The following ZNF587B variants were observed in gnomAD, a reference collection of about 807,000 sequenced individuals.
ZNF587B encodes zinc finger protein 587B.
Under a neutral mutation model 7.2 loss-of-function variants are expected in ZNF587B, and 6 were observed. The ratio of observed to expected loss-of-function variants is 0.83; its 90% CI spans 0.46 to 1.65. The LOEUF is 1.65. ZNF587B is among the 40% of genes most tolerant of loss of function. The pLI, the probability that ZNF587B is intolerant of heterozygous loss-of-function variation, is 0.01. For missense variants in ZNF587B, 749 were observed against 761.0 expected (o/e 0.98, Z 0.19); for synonymous variants, 274 against 254.3 (o/e 1.08, Z -0.74).
chr19:57,836,919 C>T (rs1010274750), intron 1 of ZNF587B, among the ~76,000 whole-genome samples: 1 of 146,678 alleles, frequency 6.8e-6, no homozygotes, highest in Non-Finnish European at 1.5e-5. Context: ...GCTGAGATTG[C>T]ACCACCCCGC....
rs1988997336 is a variant in ZNF587B, at chr19:57,844,384, G to A, written c.*1808G>A. 2 of 281,840 alleles carry A rather than the reference G, an allele frequency of 7.1e-6. No homozygotes were observed. The highest frequency in any genetic ancestry group is 5.3e-5 in the South Asian group (2 of 38,070). 17.5% of individuals were successfully genotyped at this position (281,840 alleles called of 1,614,324 possible). ...CGGGCATGGTGGCGCACCTGTAGCC[G>A]CAGCTACTCAGGAGGCTGAGGCAGG... is the stretch of plus-strand genomic sequence containing the variant. On this transcript the variant is annotated 3_prime_UTR_variant, in exon 3 of 3. Coordinates refer to ENST00000594901, the MANE Select transcript of ZNF587B (RefSeq NM_001376223.1).
intron 1 of ZNF587B, among the ~76,000 whole-genome samples, 166 bp downstream of exon 1, chr19:57,830,730 C>T (rs940428305): frequency 2.0e-5 from 2 of 102,322 alleles, no homozygotes; most frequent in South Asian, 5.1e-4. Flanking sequence ...AAGGCCTAAT[C>T]TTTTATAGTC....
chr19:57,843,613 T>C lies in ZNF587B; in HGVS notation c.*1037T>C. ...TTGTTTTTTTTTGTTTTTTTTTTTT[T>C]TTTTTTTGGAGACAAAGTTTCACTG... On this transcript the variant is annotated 3_prime_UTR_variant, in exon 3 of 3. Coordinates refer to ENST00000594901, the MANE Select transcript of ZNF587B (RefSeq NM_001376223.1). The C allele has an allele frequency of 1.1e-6, 1 of 915,768 alleles. No individual in the cohort carries two copies. Among genetic ancestry groups the C allele is most frequent in the Non-Finnish European group, 1.3e-6 (1 of 773,312 alleles). 56.7% of individuals were successfully genotyped at this position (915,768 alleles called of 1,614,324 possible).
rs999214219 is a variant in ZNF587B at position 57,843,608 on chromosome 19, T to C, written c.*1032T>C. 1.1e-6 allele frequency: 1 copy of C among 916,892 alleles called. No homozygotes were observed. The highest frequency in any genetic ancestry group is 5.1e-5 in the South Asian group (1 of 19,756). The allele number at this position is 916,892 out of a possible 1,614,324, so 56.8% of individuals were successfully genotyped here. ...GTTGGTTGTTTTTTTTTGTTTTTTT[T>C]TTTTTTTTTTTTGGAGACAAAGTTT... On this transcript the variant is annotated 3_prime_UTR_variant, in exon 3 of 3. Transcript: ENST00000594901.
chr19:57,840,736 G>T (rs2375156), intron 2 of ZNF587B, 102 bp from the exon 3 acceptor site: 13 of 1,606,670 alleles, frequency 8.1e-6, no homozygotes, highest in East Asian at 4.5e-5. Flanking sequence ...CCTCCAAGTA[G>T]TTCCTTGGAG....
chr19:57,830,585 G>T, intron 1 of ZNF587B, 21 bp downstream of exon 1: 1 of 1,549,852 alleles, frequency 6.5e-7, no homozygotes, highest in Non-Finnish European at 8.7e-7. Context: ...TGCCTTCCAT[G>T]CCCTCAGGTC....
Position 57,845,167 on chromosome 19 carries a change from G to A in ZNF587B, c.*2591G>A, listed in dbSNP as rs1989019960. The A allele has an allele frequency of 6.6e-6, 1 of 152,092 alleles. No individual in the cohort carries two copies. Among genetic ancestry groups the A allele is most frequent in the Admixed American group, 6.5e-5 (1 of 15,278 alleles). The allele number at this position is 152,092 out of a possible 1,614,324, so 9.4% of individuals were successfully genotyped here. ...TGTTTTGTGGTTTTAGTAGAGACGG[G>A]TTTCACCGTGTTGCACAGACTGGTC... On this transcript the variant is annotated 3_prime_UTR_variant, in exon 3 of 3. Transcript: ENST00000594901.
rs747338764 is a variant in ZNF587B at position 57,840,944 on chromosome 19, G to A, written c.270G>A (p.Lys90=). 1.9e-6 allele frequency: 3 copies of A among 1,584,350 alleles called. No individual in the cohort carries two copies. Among genetic ancestry groups the A allele is most frequent in the African/African-American group, 2.7e-5 (2 of 73,376 alleles). The change falls in exon 3 of 3, where the codon AAG becomes AAA. Residue 90 remains lysine, a synonymous_variant. Transcript: ENST00000594901. ...CTGTGACAGGTGTGTCTCCCAAGAAGGCCCACCCCTGTGAGATGTGTGGCC... is the reference window on the plus strand; with the variant it reads ...CTGTGACAGGTGTGTCTCCCAAGAAAGCCCACCCCTGTGAGATGTGTGGCC... ...RTPVTGVSPK[K]AHPCEMCGPI...
Position 57,844,250 on chromosome 19 carries a change from C to G in ZNF587B, c.*1674C>G. The G allele has an allele frequency of 2.3e-6, 1 of 433,436 alleles. No individual in the cohort carries two copies. Among genetic ancestry groups the G allele is most frequent in the Non-Finnish European group, 4.6e-6 (1 of 218,020 alleles). 26.8% of individuals were successfully genotyped at this position (433,436 alleles called of 1,614,324 possible). A position where few individuals can be genotyped will look rare whatever the true frequency, so the allele number is the denominator to read the frequency against. ...GCATGGTGGCTCATGCCTGTAATCC[C>G]AACACTTTGGGAGGCCGAGGTGGGT... On this transcript the variant is annotated 3_prime_UTR_variant, in exon 3 of 3. Transcript: ENST00000594901.
Position 57,842,074 on chromosome 19 carries a change from T to A in ZNF587B, c.1400T>A (p.Met467Lys). Residue 467 changes from methionine to lysine, a missense_variant, in exon 3 of 3, where the codon ATG becomes AAG. By Grantham distance (95) the Met-to-Lys change is moderately conservative (BLOSUM62 -1). Around this residue, in one of 3 missense-constraint regions of ZNF587B, gnomAD observed 656 missense variants for 596.5 expected, o/e 1.10. Coordinates refer to ENST00000594901, the MANE Select transcript of ZNF587B (RefSeq NM_001376223.1). ...QHGHTRKRPYMCWECGKLFKK... is the reference protein window; with the variant it reads ...QHGHTRKRPYKCWECGKLFKK... ...GGCCATACTAGAAAAAGGCCTTATA[T>A]GTGTTGGGAATGTGGAAAATTATTT... The A allele has an allele frequency of 6.3e-7, 1 of 1,591,748 alleles. No individual in the cohort carries two copies. Among genetic ancestry groups the A allele is most frequent in the Non-Finnish European group, 8.6e-7 (1 of 1,168,456 alleles).
intron 2 of ZNF587B, among the ~76,000 whole-genome samples, chr19:57,840,322 G>C (rs908816614): frequency 6.6e-6 from 1 of 151,716 alleles, no homozygotes; most frequent in African/African-American, 2.4e-5. Flanking sequence ...ACATGAACTC[G>C]TACCCTAATA....
At position 57,841,711 on chromosome 19, in the gene ZNF587B, G is replaced by A. The variant is rs755850744; in HGVS notation, c.1037G>A (p.Arg346His). The change falls in exon 3 of 3, where the codon CGC (arginine) becomes CAC (histidine). Residue 346 changes from arginine (R) to histidine (H), a missense_variant. Arg to His is a conservative substitution (Grantham distance 29). Coordinates refer to ENST00000594901, the MANE Select transcript of ZNF587B (RefSeq NM_001376223.1). ...AACGTGAACCTTAAGAGTCATCAGCGCATTCACACTGGAGAGAGACCTTAC... is the reference window on the plus strand; with the variant it reads ...AACGTGAACCTTAAGAGTCATCAGCACATTCACACTGGAGAGAGACCTTAC... Reference protein sequence around the residue: ...SSNVNLKSHQRIHTGERPYKC... With the variant: ...SSNVNLKSHQHIHTGERPYKC... 6.8e-6 allele frequency: 11 copies of A among 1,606,792 alleles called. No homozygotes were observed. Among genetic ancestry groups the A allele is most frequent in the African/African-American group, 1.3e-5 (1 of 74,700 alleles).
chr19:57,844,133 ATTTC>A lies in ZNF587B; in HGVS notation c.*1563_*1566del, dbSNP rs1988984006. ...TAGCCTCAGCACTTCTTGCTTTTTC[ATTTC>A]TTTCTGATAAGTTACACCATGGACC... is the stretch of plus-strand genomic sequence containing the variant. On this transcript the variant is annotated 3_prime_UTR_variant, in exon 3 of 3. Coordinates refer to ENST00000594901, the MANE Select transcript of ZNF587B (RefSeq NM_001376223.1). The A allele has an allele frequency of 3.5e-6, 1 of 289,380 alleles. No individual in the cohort carries two copies. Among genetic ancestry groups the A allele is most frequent in the South Asian group, 2.6e-5 (1 of 39,160 alleles). The allele number at this position is 289,380 out of a possible 1,614,324, so 17.9% of individuals were successfully genotyped here.
At position 57,843,600 on chromosome 19, in the gene ZNF587B, G is replaced by GTTTTTTTTTTTTTTT. The variant is rs771371494; in HGVS notation, c.*1030_*1044dup. 217 of 647,912 alleles carry GTTTTTTTTTTTTTTT rather than the reference G, an allele frequency of 3.3e-4. No homozygotes were observed. Among genetic ancestry groups the GTTTTTTTTTTTTTTT allele is most frequent in the East Asian group, 1.6e-3 (8 of 5,072 alleles). 40.1% of individuals were successfully genotyped at this position (647,912 alleles called of 1,614,324 possible). A position where few individuals can be genotyped will look rare whatever the true frequency, so the allele number is the denominator to read the frequency against. On this transcript the variant is annotated 3_prime_UTR_variant, in exon 3 of 3. Transcript: ENST00000594901. ...GTTGGTTGGTTGGTTGTTTTTTTTTGTTTTTTTTTTTTTTTTTTTTGGAGA... is the reference window on the plus strand; with the variant it reads ...GTTGGTTGGTTGGTTGTTTTTTTTTGTTTTTTTTTTTTTTTTTTTTTTTTTTTTTTTTTTTGGAGA...
In ZNF587B at chr19:57,841,384, C is replaced by T; in HGVS notation, c.710C>T (p.Pro237Leu). ...HILSQHQRLL[P>L]REECYVCCEC... ...CTCAGTCAGCACCAGAGACTTCTCCCTCGAGAAGAATGTTATGTGTGCTGT... is the reference window on the plus strand; with the variant it reads ...CTCAGTCAGCACCAGAGACTTCTCCTTCGAGAAGAATGTTATGTGTGCTGT... The change falls in exon 3 of 3, where the codon CCT (proline) becomes CTT (leucine). Residue 237 changes from proline (P) to leucine (L), a missense_variant. This residue lies in a region of ZNF587B where 656 missense variants were observed against 596.5 expected (regional missense o/e 1.10). Coordinates refer to ENST00000594901, the MANE Select transcript of ZNF587B (RefSeq NM_001376223.1). 6.3e-7 allele frequency: 1 copy of T among 1,587,634 alleles called. No homozygotes were observed.
intron 1 of ZNF587B, among the ~76,000 whole-genome samples, chr19:57,830,814 C>T (rs905097652): frequency 3.4e-5 from 5 of 149,062 alleles, no homozygotes; most frequent in African/African-American, 1.2e-4. Context: ...AAAAAAAAAT[C>T]CGTTTATTTA....
rs570555206 is a variant in ZNF587B, at chr19:57,843,377, T to C, written c.*801T>C. ...GAAAAAACTCCAGGCATGTGGCATC[T>C]GTATTATATTTTTTACTATGCCCTG... On this transcript the variant is annotated 3_prime_UTR_variant, in exon 3 of 3. Transcript: ENST00000594901. 1.2e-4 allele frequency: 123 copies of C among 985,372 alleles called. No individual in the cohort carries two copies. In the African/African-American group the frequency reaches 2.1e-3, roughly 17 times the overall value. The allele number at this position is 985,372 out of a possible 1,614,324, so 61.0% of individuals were successfully genotyped here.
intron 1 of ZNF587B, among the ~76,000 whole-genome samples, chr19:57,832,611 T>C (rs1248594464): frequency 6.6e-6 from 1 of 152,240 alleles, no homozygotes; most frequent in Non-Finnish European, 1.5e-5. Flanking sequence ...CTTGTAGATA[T>C]TCGTCAGTGT....
In ZNF587B at chr19:57,845,626, G is replaced by T. The variant is rs1417085712; in HGVS notation, c.*3050G>T. ...GCTAGTTTCCCCACTTAGGGCATGA[G>T]AAGAATTGGTAAAGTCAACATAAAA... is the stretch of plus-strand genomic sequence containing the variant. On this transcript the variant is annotated 3_prime_UTR_variant, in exon 3 of 3. Coordinates refer to ENST00000594901, the MANE Select transcript of ZNF587B (RefSeq NM_001376223.1). 1 of 152,204 alleles carries T rather than the reference G, an allele frequency of 6.6e-6. No homozygotes were observed. Among genetic ancestry groups the T allele is most frequent in the African/African-American group, 2.4e-5 (1 of 41,444 alleles). The allele number at this position is 152,204 out of a possible 1,614,324, so 9.4% of individuals were successfully genotyped here.
Sources: allele counts gnomAD v4.1 joint callset (sites outside exome capture counted in the v4.1 genomes callset), GRCh38; gene constraint gnomAD v4.1.1; regional missense constraint gnomAD v4.1.1; transcripts MANE v1.5; gene names NCBI Gene and HGNC (gene_info 2026-07-23, HGNC 2026-07-21).